Variants in RNF130 observed in about 807,000 individuals in gnomAD.
RNF130 encodes ring finger protein 130.
A neutral mutation model predicts 44.6 loss-of-function variants in RNF130; 21 were observed. The ratio of observed to expected loss-of-function variants is 0.47; its 90% CI spans 0.33 to 0.68. The LOEUF is 0.68. Among genes scored for constraint, RNF130 ranks in the 30% least tolerant of loss-of-function variants. The pLI is 0.02. For synonymous variants in RNF130, 214 were observed against 210.4 expected, an observed-to-expected ratio of 1.02 and a Z score of -0.15; for missense variants, 479 against 560.6, an observed-to-expected ratio of 0.85 and a Z score of 1.47.
chr5:179,945,478 G>A (rs1198743759), intron 7 of RNF130, among the ~76,000 whole-genome samples: 1 of 152,128 alleles, frequency 6.6e-6, no homozygotes, highest in Non-Finnish European at 1.5e-5. Context: ...AACACTAAAC[G>A]CCGGGTACTT....
intron 8 of RNF130, among the ~76,000 whole-genome samples, chr5:179,962,833 C>A (rs930474495): frequency 6.6e-6 from 1 of 152,132 alleles, no homozygotes; most frequent in East Asian, 1.9e-4. Context: ...AGCAAACCAT[C>A]CCGCCACTAA....
intron 8 of RNF130, among the ~76,000 whole-genome samples, chr5:179,957,550 G>A (rs1762237401): frequency 6.6e-6 from 1 of 152,122 alleles, no homozygotes; most frequent in African/African-American, 2.4e-5. Flanking sequence ...CACATTATTT[G>A]GCACTATCCT....
chr5:180,051,809 G>A (rs752830394), intron 1 of RNF130, among the ~76,000 whole-genome samples: 8 of 152,012 alleles, frequency 5.3e-5, no homozygotes, highest in African/African-American at 1.4e-4. Flanking sequence ...TTTAAATGAC[G>A]GCTAATACAA....
rs572975356 is a variant in RNF130 at position 180,071,711 on chromosome 5, C to CG, written c.-10dup. ...CGCCCCGCGCAGCTCATCGTCCCTCCGGCAGCCGCCGCTGCTCGCGGACCG... is the reference window on the plus strand; with the variant it reads ...CGCCCCGCGCAGCTCATCGTCCCTCCGGGCAGCCGCCGCTGCTCGCGGACCG... On this transcript the variant is annotated 5_prime_UTR_variant, in exon 1 of 9. Transcript: ENST00000521389. 49 of 1,264,704 alleles carry CG rather than the reference C, an allele frequency of 3.9e-5. No individual in the cohort carries two copies. The highest frequency in any genetic ancestry group is 5.9e-4 in the Middle Eastern group (2 of 3,372). 78.3% of individuals were successfully genotyped at this position (1,264,704 alleles called of 1,614,324 possible). A position where few individuals can be genotyped will look rare whatever the true frequency, so the allele number is the denominator to read the frequency against.
intron 8 of RNF130, among the ~76,000 whole-genome samples, chr5:179,960,918 T>C (rs1762313114): frequency 2.0e-5 from 3 of 152,206 alleles, no homozygotes; most frequent in Admixed American, 2.0e-4. Flanking sequence ...AAAATAGATG[T>C]TGAAAAATTC....
In RNF130 at chr5:179,980,102, G is replaced by A. The variant is rs373624205; in HGVS notation, c.765+27C>T. 134 of 1,599,238 alleles carry A rather than the reference G, an allele frequency of 8.4e-5. 1 individual carries two copies. The highest frequency in any genetic ancestry group is 2.6e-5 in the Non-Finnish European group (30 of 1,167,922). On this transcript the variant is annotated intron_variant, in intron 4 of 8. Transcript: ENST00000521389. ...AACAAAACTGCTGGATTACTTTTACGGTGCTGAAGTTGTTTCATGACTGTA... is the reference window on the plus strand; with the variant it reads ...AACAAAACTGCTGGATTACTTTTACAGTGCTGAAGTTGTTTCATGACTGTA...
intron 3 of RNF130, among the ~76,000 whole-genome samples, chr5:179,987,340 A>G (rs545927187): frequency 3.9e-5 from 6 of 152,026 alleles, no homozygotes; most frequent in South Asian, 2.1e-4. Flanking sequence ...GCTAATTTCT[A>G]TATTTCTTGT....
intron 7 of RNF130, among the ~76,000 whole-genome samples, chr5:179,924,587 C>CA (rs1203818782): frequency 1.3e-5 from 2 of 151,278 alleles, no homozygotes; most frequent in Non-Finnish European, 2.9e-5. Context: ...CACCTGAGGT[C>CA]AGGAGGAGTT....
intron 7 of RNF130, among the ~76,000 whole-genome samples, chr5:179,945,937 G>A (rs923356790): frequency 7.9e-5 from 12 of 151,876 alleles, no homozygotes; most frequent in South Asian, 2.1e-4. Flanking sequence ...ATTTAAATGG[G>A]GGCGGGGGCG....
chr5:179,931,168 T>C (rs1761802070), intron 7 of RNF130, among the ~76,000 whole-genome samples: 1 of 152,160 alleles, frequency 6.6e-6, no homozygotes. Context: ...CAAAGCTGGA[T>C]TCCTGTGACA....
chr5:179,966,115 C>T (rs1762437815), intron 7 of RNF130, among the ~76,000 whole-genome samples: 1 of 152,214 alleles, frequency 6.6e-6, no homozygotes, highest in Admixed American at 6.5e-5. Context: ...GATGCCTACA[C>T]ACACGCTGTC....
intron 3 of RNF130, among the ~76,000 whole-genome samples, chr5:179,996,898 T>G (rs1763211917): frequency 6.6e-6 from 1 of 152,210 alleles, no homozygotes; most frequent in Non-Finnish European, 1.5e-5. Flanking sequence ...GTATTAGCTC[T>G]TCTTTAAATG....
intron 3 of RNF130, among the ~76,000 whole-genome samples, chr5:179,984,597 T>C (rs543933240): frequency 5.0e-4 from 76 of 152,306 alleles, no homozygotes; most frequent in African/African-American, 1.7e-3. Flanking sequence ...GGAGTAAACA[T>C]CACCTGGTCA....
At chr5:179,939,060 C>G (rs563537057) in intron 7 of RNF130, among the ~76,000 whole-genome samples, 1 of 152,076 alleles carries the variant, frequency 6.6e-6, no homozygotes, top group Non-Finnish European at 1.5e-5. Context: ...GAGACCCCAT[C>G]TCTACTAAAA....
Position 179,981,024 on chromosome 5 carries a change from G to C in RNF130, c.694-824C>G, listed in dbSNP as rs151317550. 4.5e-3 allele frequency among the ~76,000 whole-genome samples: 687 copies of C among 152,300 alleles called. 6 individuals are homozygous for C. Among genetic ancestry groups the C allele is most frequent in the African/African-American group, 0.015 (636 of 41,554 alleles). On this transcript the variant is annotated intron_variant, in intron 3 of 8. Transcript: ENST00000521389. ...GGCGAGGCAGGGGAGGAACGTCAGG[G>C]AAGGTCTTGAGGAGTCGAGGCCTGG...
chr5:180,033,018 G>A (rs1020468493), intron 2 of RNF130, among the ~76,000 whole-genome samples: 2 of 151,416 alleles, frequency 1.3e-5, no homozygotes, highest in African/African-American at 2.4e-5. Flanking sequence ...TCTGTTGCCC[G>A]GCGAGAATGC....
At chr5:179,925,679 C>G (rs897861938) in intron 7 of RNF130, among the ~76,000 whole-genome samples, 1 of 152,178 alleles carries the variant, frequency 6.6e-6, no homozygotes, top group African/African-American at 2.4e-5. Flanking sequence ...CAGGTACATG[C>G]CACCAAGCCT....
At chr5:180,008,524 A>G (rs1475683390) in intron 3 of RNF130, among the ~76,000 whole-genome samples, 2 of 152,230 alleles carry the variant, frequency 1.3e-5, no homozygotes, top group Non-Finnish European at 2.9e-5. Context: ...ACAGAAGAGA[A>G]CTGAAATCAT....
chr5:180,054,844 C>A, intron 1 of RNF130, among the ~76,000 whole-genome samples: 1 of 152,106 alleles, frequency 6.6e-6, no homozygotes, highest in East Asian at 1.9e-4. Flanking sequence ...TTATTTACAT[C>A]TTTAATTCCT....
Sources: allele counts gnomAD v4.1 joint callset (sites outside exome capture counted in the v4.1 genomes callset), GRCh38; gene constraint gnomAD v4.1.1; transcripts MANE v1.5; gene names NCBI Gene and HGNC (gene_info 2026-07-23, HGNC 2026-07-21).